STX7: variants seen among roughly 807,000 people sequenced by gnomAD.
STX7 encodes the protein syntaxin 7.
A neutral mutation model predicts 39.6 loss-of-function variants in STX7; 34 were observed. The ratio of observed to expected loss-of-function variants is 0.86; its 90% CI spans 0.65 to 1.14. The LOEUF is 1.14. Ranked by LOEUF, STX7 falls within the 50% of genes most tolerant of loss-of-function variation. The probability of loss-of-function intolerance (pLI) is 0.00; values close to 1 mark genes in which losing one functional copy is unlikely to be tolerated. For missense variants in STX7, 284 were observed against 310.4 expected, an observed-to-expected ratio of 0.92 and a Z score of 0.64; for synonymous variants, 119 against 99.1, an observed-to-expected ratio of 1.20 and a Z score of -1.19.
In STX7 at chr6:132,457,718, ATT is replaced by A. The variant is rs1327335450; in HGVS notation, c.*3038_*3039del. On this transcript the variant is annotated 3_prime_UTR_variant, in exon 10 of 10. Coordinates refer to ENST00000367941, the MANE Select transcript of STX7 (RefSeq NM_003569.3). ...GACAGATGTTATTTACCACCAATGA[ATT>A]TTTATCATATTTAAATGAACTTGAA... 1 of 152,138 alleles carries A rather than the reference ATT, an allele frequency of 6.6e-6. No individual in the cohort carries two copies. Among genetic ancestry groups the A allele is most frequent in the African/African-American group, 2.4e-5 (1 of 41,434 alleles). The allele number at this position is 152,138 out of a possible 1,614,324, so 9.4% of individuals were successfully genotyped here. A position where few individuals can be genotyped will look rare whatever the true frequency, so the allele number is the denominator to read the frequency against.
At chr6:132,492,113 A>T (rs1219683744) in intron 2 of STX7, among the ~76,000 whole-genome samples, 1 of 151,328 alleles carries the variant, frequency 6.6e-6, no homozygotes, top group African/African-American at 2.4e-5. Context: ...CCTGGTACCA[A>T]CTCTCTCTCT....
At chr6:132,481,386 T>C (rs1418910416) in intron 2 of STX7, among the ~76,000 whole-genome samples, 1 of 152,144 alleles carries the variant, frequency 6.6e-6, no homozygotes, top group Non-Finnish European at 1.5e-5. Flanking sequence ...TCTTTGAACA[T>C]TGCTTACCTT....
At chr6:132,505,739 TAAAAAAAAAA>T (rs368964430) in intron 1 of STX7, among the ~76,000 whole-genome samples, 23 of 60,424 alleles carry the variant, frequency 3.8e-4, no homozygotes, top group Non-Finnish European at 5.8e-4. Flanking sequence ...CCAAGTCACT[TAAAAAAAAAA>T]AAAAAAAAAA....
rs1399042627 is a variant in STX7, at chr6:132,453,746, T to C, written c.*7012A>G. 2.0e-5 allele frequency: 3 copies of C among 151,994 alleles called. No individual in the cohort carries two copies. Among genetic ancestry groups the C allele is most frequent in the African/African-American group, 7.2e-5 (3 of 41,414 alleles). 9.4% of individuals were successfully genotyped at this position (151,994 alleles called of 1,614,324 possible). On this transcript the variant is annotated 3_prime_UTR_variant, in exon 10 of 10. Transcript: ENST00000367941. ...CTGCAATGAGCTGTCACTATACACT[T>C]ATCAGAATGACTAAAATAAAAAAGA...
chr6:132,507,886 C>T (rs999053399), intron 1 of STX7, among the ~76,000 whole-genome samples: 4 of 152,304 alleles, frequency 2.6e-5, no homozygotes, highest in Middle Eastern at 3.4e-3. Flanking sequence ...TTAATCTATA[C>T]CTGAATGAGT....
At position 132,454,588 on chromosome 6, in the gene STX7, G is replaced by A. The variant is rs1286626130; in HGVS notation, c.*6170C>T. 6.6e-6 allele frequency: 1 copy of A among 152,014 alleles called. No individual in the cohort carries two copies. The highest frequency in any genetic ancestry group is 1.5e-5 in the Non-Finnish European group (1 of 67,996). The allele number at this position is 152,014 out of a possible 1,614,324, so 9.4% of individuals were successfully genotyped here. A position where few individuals can be genotyped will look rare whatever the true frequency, so the allele number is the denominator to read the frequency against. On this transcript the variant is annotated 3_prime_UTR_variant, in exon 10 of 10. Coordinates refer to ENST00000367941, the MANE Select transcript of STX7 (RefSeq NM_003569.3). Reference sequence around the variant, plus strand: ...ATAAAGAATGGGCTCTATTTCAAATGTCCATACCATTCCAAAGGAAAGTAT... The same window carrying A: ...ATAAAGAATGGGCTCTATTTCAAATATCCATACCATTCCAAAGGAAAGTAT...
intron 2 of STX7, 83 bp from the exon 3 acceptor site, chr6:132,475,745 T>C (rs1774858258): frequency 1.2e-6 from 1 of 801,820 alleles, no homozygotes; most frequent in Non-Finnish European, 1.9e-6. Context: ...GTACAAGCAA[T>C]TGGGCAGTTG....
chr6:132,475,766 G>T, intron 2 of STX7, 104 bp from the exon 3 acceptor site: 1 of 491,650 alleles, frequency 2.0e-6, no homozygotes, highest in Non-Finnish European at 3.3e-6. Context: ...AAAAGAGACA[G>T]AAAAACAAAG....
Position 132,456,074 on chromosome 6 carries a change from T to C in STX7, c.*4684A>G, listed in dbSNP as rs1427212044. The C allele has an allele frequency of 1.3e-5, 2 of 152,164 alleles. No individual in the cohort carries two copies. Among genetic ancestry groups the C allele is most frequent in the Non-Finnish European group, 2.9e-5 (2 of 68,032 alleles). The allele number at this position is 152,164 out of a possible 1,614,324, so 9.4% of individuals were successfully genotyped here. On this transcript the variant is annotated 3_prime_UTR_variant, in exon 10 of 10. Transcript: ENST00000367941. The stretch of plus-strand genomic sequence containing the variant: ...TGGGGCAGTAATTCTATACATATCC[T>C]GTAAATGTCTGTCCTGATGATCAGG...
At chr6:132,498,358 A>T (rs1401687846) in intron 2 of STX7, among the ~76,000 whole-genome samples, 1 of 152,154 alleles carries the variant, frequency 6.6e-6, no homozygotes, top group African/African-American at 2.4e-5. Flanking sequence ...AATTCAAAAG[A>T]CTGCAGATGG....
In STX7 at chr6:132,492,793, A is replaced by G. The variant is rs913863067; in HGVS notation, c.85+10653T>C. ...ACCTAATACAAGGCACAAAGTAAAC[A>G]GTTAATTAAAAATAGTTTTAAAATA... On this transcript the variant is annotated intron_variant, in intron 2 of 9. Transcript: ENST00000367941. 3.9e-5 allele frequency among the ~76,000 whole-genome samples: 6 copies of G among 152,370 alleles called. No individual in the cohort carries two copies. In the South Asian group the frequency reaches 1.2e-3, roughly 32 times the overall value.
intron 2 of STX7, among the ~76,000 whole-genome samples, chr6:132,492,349 T>C (rs796954113): frequency 5.3e-5 from 8 of 152,340 alleles, no homozygotes; most frequent in African/African-American, 1.9e-4. Flanking sequence ...CCGGTATGTT[T>C]TTGTCATTGT....
At chr6:132,504,700 G>A (rs1296305088) in intron 1 of STX7, among the ~76,000 whole-genome samples, 1 of 152,100 alleles carries the variant, frequency 6.6e-6, no homozygotes, top group South Asian at 2.1e-4. Context: ...CATTTAGGAG[G>A]AAGGATAAAG....
At chr6:132,482,186 G>C (rs2114413120) in intron 2 of STX7, among the ~76,000 whole-genome samples, 1 of 152,260 alleles carries the variant, frequency 6.6e-6, no homozygotes, top group South Asian at 2.1e-4. Context: ...GTTAAGAAAG[G>C]TAGTTATGCC....
At chr6:132,507,169 G>A (rs1479896527) in intron 1 of STX7, among the ~76,000 whole-genome samples, 1 of 152,108 alleles carries the variant, frequency 6.6e-6, no homozygotes, top group African/African-American at 2.4e-5. Flanking sequence ...GGTGAGGGAT[G>A]AGAAATTACT....
In STX7 at chr6:132,458,719, T is replaced by C. The variant is rs1202395959; in HGVS notation, c.*2039A>G. The C allele has an allele frequency of 2.0e-5, 3 of 152,212 alleles. No individual in the cohort carries two copies. The highest frequency in any genetic ancestry group is 4.4e-5 in the Non-Finnish European group (3 of 68,030). The allele number at this position is 152,212 out of a possible 1,614,324, so 9.4% of individuals were successfully genotyped here. On this transcript the variant is annotated 3_prime_UTR_variant, in exon 10 of 10. Transcript: ENST00000367941. ...TTCTTATTTAATTTTCTCTAATCAATACTACTCTTACGTTCCAAATATTTC... is the reference window on the plus strand; with the variant it reads ...TTCTTATTTAATTTTCTCTAATCAACACTACTCTTACGTTCCAAATATTTC...
chr6:132,469,132 T>C (rs896192100), intron 7 of STX7, among the ~76,000 whole-genome samples: 4 of 152,228 alleles, frequency 2.6e-5, no homozygotes, highest in Non-Finnish European at 4.4e-5. Flanking sequence ...CTTCAATAAA[T>C]TGTAGCCATT....
chr6:132,499,011 A>T (rs374835013), intron 2 of STX7, among the ~76,000 whole-genome samples: 3 of 152,182 alleles, frequency 2.0e-5, no homozygotes, highest in African/African-American at 7.2e-5. Flanking sequence ...TTCCCATTTC[A>T]TTTAAGAACA....
intron 2 of STX7, among the ~76,000 whole-genome samples, chr6:132,476,303 C>T (rs1034061082): frequency 3.9e-5 from 6 of 152,018 alleles, no homozygotes; most frequent in African/African-American, 1.2e-4. Flanking sequence ...CATGCTGCAG[C>T]GAGAAAGCCA....
Sources: gnomAD v4.1 joint callset for allele counts (sites outside exome capture counted in the v4.1 genomes callset) on GRCh38, gnomAD v4.1.1 for gene constraint, MANE v1.5 for transcripts, NCBI Gene and HGNC (gene_info 2026-07-23, HGNC 2026-07-21) for gene names.